The following GRM7 variants were observed in gnomAD, a reference collection of about 807,000 sequenced individuals.
The protein encoded by GRM7 is glutamate metabotropic receptor 7, also known as metabotropic glutamate receptor 7.
GRM7 carries 35 observed loss-of-function variants against 84.5 expected under a neutral mutation model. The ratio of observed to expected loss-of-function variants is 0.41; its 90% CI spans 0.32 to 0.55. The LOEUF is 0.55. Ranked by LOEUF, GRM7 falls within the 20% of genes least tolerant of loss-of-function variation. The pLI is 0.19. For synonymous variants in GRM7, 487 were observed against 455.1 expected (o/e 1.07, Z -0.89); for missense variants, 1,003 against 1,194.6 (o/e 0.84, Z 2.36).
At chr3:7,593,237 GC>G (rs1479299913) in intron 8 of GRM7, among the ~76,000 whole-genome samples, 2 of 152,052 alleles carry the variant, frequency 1.3e-5, no homozygotes, top group African/African-American at 4.8e-5. Context: ...TGAAAGAGTG[GC>G]CCCATATTCA....
intron 2 of GRM7, among the ~76,000 whole-genome samples, chr3:7,280,792 G>A (rs1343168668): frequency 6.6e-6 from 1 of 152,156 alleles, no homozygotes; most frequent in African/African-American, 2.4e-5. Flanking sequence ...AATCCTCAAA[G>A]TGCTTACAAT....
intron 1 of GRM7, among the ~76,000 whole-genome samples, chr3:6,901,789 T>A (rs1381267470): frequency 2.6e-5 from 4 of 151,878 alleles, no homozygotes; most frequent in African/African-American, 7.2e-5. Context: ...TTGTTATTTT[T>A]AAATTTTTAT....
intron 8 of GRM7, among the ~76,000 whole-genome samples, chr3:7,625,778 A>G (rs1697579839): frequency 6.6e-6 from 1 of 152,212 alleles, no homozygotes. Context: ...AGTGACGATG[A>G]GATATCCAAG....
At chr3:7,369,895 G>C (rs945276670) in intron 4 of GRM7, among the ~76,000 whole-genome samples, 16 of 152,114 alleles carry the variant, frequency 1.1e-4, no homozygotes, top group African/African-American at 3.9e-4. Context: ...CTGGTTTACA[G>C]TATTTTTCTA....
At chr3:7,148,305 T>C (rs897157479) in intron 2 of GRM7, among the ~76,000 whole-genome samples, 1 of 151,166 alleles carries the variant, frequency 6.6e-6, no homozygotes, top group Non-Finnish European at 1.5e-5. Context: ...ATTGAATAGA[T>C]AAAATAAGAT....
At chr3:7,510,185 C>T (rs575338521) in intron 7 of GRM7, among the ~76,000 whole-genome samples, 1 of 152,214 alleles carries the variant, frequency 6.6e-6, no homozygotes, top group East Asian at 1.9e-4. Context: ...TTCTCTGGTC[C>T]TCTTTTACAT....
At chr3:7,689,257 T>C (rs1575635102) in intron 9 of GRM7, among the ~76,000 whole-genome samples, 1 of 152,212 alleles carries the variant, frequency 6.6e-6, no homozygotes, top group East Asian at 1.9e-4. Flanking sequence ...AAAAATCATA[T>C]TGGTTTATTG....
At chr3:7,427,002 C>G (rs1696636999) in intron 5 of GRM7, among the ~76,000 whole-genome samples, 1 of 152,174 alleles carries the variant, frequency 6.6e-6, no homozygotes, top group Non-Finnish European at 1.5e-5. Flanking sequence ...AACACTGAAG[C>G]AGCATCTTTT....
chr3:7,063,893 C>CTAA (rs1408661459), intron 1 of GRM7, among the ~76,000 whole-genome samples: 1 of 151,588 alleles, frequency 6.6e-6, no homozygotes, highest in East Asian at 1.9e-4. Flanking sequence ...GCAACACAAG[C>CTAA]TAATATAATA....
chr3:7,324,256 C>G (rs145332718), intron 4 of GRM7, among the ~76,000 whole-genome samples: 251 of 152,306 alleles, frequency 1.6e-3, no homozygotes, highest in African/African-American at 5.7e-3. Flanking sequence ...CTTGAAAAAT[C>G]TAGTTACTCT....
chr3:7,431,793 T>C lies in GRM7; in HGVS notation c.1174+16630T>C, dbSNP rs1696841507. The stretch of plus-strand genomic sequence containing the variant: ...TTCACCGCAGTACACTCTATGAATA[T>C]TGGACAACCTGAATTTGGTAGTTAT... On this transcript the variant is annotated intron_variant, in intron 5 of 9. Transcript: ENST00000357716. Among the ~76,000 whole-genome samples the C allele has an allele frequency of 2.6e-5, 4 of 152,316 alleles. No homozygotes were observed. In the South Asian group the frequency reaches 8.3e-4, roughly 32 times the overall value.
chr3:7,596,538 T>A (rs571101714), intron 8 of GRM7, among the ~76,000 whole-genome samples: 2 of 152,236 alleles, frequency 1.3e-5, no homozygotes, highest in South Asian at 4.1e-4. Flanking sequence ...TGAAAATGAA[T>A]ATCATAATAG....
chr3:7,009,018 T>G lies in GRM7; in HGVS notation c.520-137434T>G, dbSNP rs551033788. On this transcript the variant is annotated intron_variant, in intron 1 of 9. Coordinates refer to ENST00000357716, the MANE Select transcript of GRM7 (RefSeq NM_000844.4). The stretch of plus-strand genomic sequence containing the variant: ...GATCTTCTCCGAAAAGTTGCCTCTT[T>G]ATGAATAGAACTAGTGACTTATCCT... Among the ~76,000 whole-genome samples the G allele has an allele frequency of 7.9e-5, 12 of 152,324 alleles. No homozygotes were observed. The South Asian group carries it at 2.3e-3, about 29-fold the overall frequency.
chr3:7,235,289 G>C (rs768370915), intron 2 of GRM7, among the ~76,000 whole-genome samples: 12 of 152,120 alleles, frequency 7.9e-5, no homozygotes, highest in Non-Finnish European at 1.6e-4. Context: ...CCTATAAATA[G>C]CATTTTTCAG....
At chr3:7,589,215 G>T (rs1695661945) in intron 8 of GRM7, among the ~76,000 whole-genome samples, 1 of 152,208 alleles carries the variant, frequency 6.6e-6, no homozygotes, top group Non-Finnish European at 1.5e-5. Context: ...TCAGATCATT[G>T]TCTTTTATTT....
At chr3:7,064,266 C>T (rs915996963) in intron 1 of GRM7, among the ~76,000 whole-genome samples, 2 of 150,218 alleles carry the variant, frequency 1.3e-5, no homozygotes, top group Admixed American at 6.7e-5. Context: ...CCCCAAAGTC[C>T]ATTGTATTAT....
intron 9 of GRM7, chr3:7,681,069 C>T (rs1032408520): frequency 1.7e-4 from 26 of 152,180 alleles, no homozygotes; most frequent in African/African-American, 6.0e-4. Flanking sequence ...AGGTTAAATG[C>T]TTAGAATTCC....
At chr3:7,052,667 T>G (rs1697049707) in intron 1 of GRM7, among the ~76,000 whole-genome samples, 1 of 151,292 alleles carries the variant, frequency 6.6e-6, no homozygotes, top group Admixed American at 6.6e-5. Context: ...TCTGACTTCT[T>G]TTATTCAGTT....
At chr3:7,591,782 C>G (rs899703600) in intron 8 of GRM7, among the ~76,000 whole-genome samples, 5 of 152,120 alleles carry the variant, frequency 3.3e-5, no homozygotes, top group Non-Finnish European at 7.4e-5. Context: ...ACAGCAAACT[C>G]TAAATAGGGA....
Sources: allele counts gnomAD v4.1 joint callset (sites outside exome capture counted in the v4.1 genomes callset), GRCh38; gene constraint gnomAD v4.1.1; transcripts MANE v1.5; gene names NCBI Gene and HGNC (gene_info 2026-07-23, HGNC 2026-07-21).